The following WNT3 variants were observed in gnomAD, a reference collection of about 807,000 sequenced individuals.
WNT3 encodes the protein proto-oncogene Wnt-3.
In WNT3, 7 loss-of-function variants were observed where a neutral mutation model predicts 34.2. That is an observed-to-expected ratio of 0.20 (90% CI 0.12 to 0.38). The LOEUF (loss-of-function observed/expected upper bound fraction) is 0.38. Ranked by LOEUF, WNT3 falls within the 10% of genes least tolerant of loss-of-function variation. The pLI is 1.00. For missense variants in WNT3, 267 were observed against 499.8 expected (o/e 0.53, Z 4.44); for synonymous variants, 212 against 211.5 (o/e 1.00, Z -0.02).
chr17:46,798,864 A>G (rs896934114), intron 1 of WNT3, among the ~76,000 whole-genome samples: 5 of 152,130 alleles, frequency 3.3e-5, no homozygotes, highest in Admixed American at 6.5e-5. Context: ...CCTGGCTAAC[A>G]TGGGGAAACC....
intron 2 of WNT3, among the ~76,000 whole-genome samples, chr17:46,771,949 C>G (rs953713529): frequency 2.7e-5 from 4 of 148,164 alleles, no homozygotes; most frequent in African/African-American, 9.8e-5. Flanking sequence ...CGCCGCGCCT[C>G]GCCCCTTCCG....
chr17:46,784,639 C>A (rs948852123), intron 1 of WNT3, among the ~76,000 whole-genome samples: 2 of 152,182 alleles, frequency 1.3e-5, no homozygotes, highest in Non-Finnish European at 2.9e-5. Flanking sequence ...GCCCAGCCAA[C>A]ACTGGCAGCA....
At chr17:46,809,607 GC>G (rs1366814861) in intron 1 of WNT3, among the ~76,000 whole-genome samples, 1 of 152,228 alleles carries the variant, frequency 6.6e-6, no homozygotes, top group Non-Finnish European at 1.5e-5. Flanking sequence ...CCTCAGCAGA[GC>G]CCCTTCCAGC....
chr17:46,796,937 G>A (rs990912146), intron 1 of WNT3, among the ~76,000 whole-genome samples: 3 of 152,168 alleles, frequency 2.0e-5, no homozygotes, highest in East Asian at 1.9e-4. Context: ...CTTGGTTACC[G>A]AGGAAAATAA....
intron 1 of WNT3, among the ~76,000 whole-genome samples, chr17:46,800,866 G>A (rs1194445708): frequency 2.6e-5 from 4 of 152,188 alleles, no homozygotes; most frequent in African/African-American, 4.8e-5. Context: ...GGAAGGCTGC[G>A]CAGAGGAAGT....
chr17:46,778,800 G>A lies in WNT3; in HGVS notation c.81-4891C>T, dbSNP rs538737290. Among the ~76,000 whole-genome samples, 188 of 151,982 alleles carry A rather than the reference G, an allele frequency of 1.2e-3. 1 individual carries two copies. Among genetic ancestry groups the A allele is most frequent in the South Asian group, 8.5e-3 (41 of 4,810 alleles). ...GGCTCGAAGCACCTCTCCACTGCCCGGCCCCCGGCAACCATTCTACACCAT... is the reference window on the plus strand; with the variant it reads ...GGCTCGAAGCACCTCTCCACTGCCCAGCCCCCGGCAACCATTCTACACCAT... On this transcript the variant is annotated intron_variant, in intron 1 of 4. Coordinates refer to ENST00000225512, the MANE Select transcript of WNT3 (RefSeq NM_030753.5).
At chr17:46,810,047 C>G (rs1318851295) in intron 1 of WNT3, among the ~76,000 whole-genome samples, 1 of 139,680 alleles carries the variant, frequency 7.2e-6, no homozygotes, top group East Asian at 2.1e-4. Flanking sequence ...GGTCTTGTTG[C>G]CCAGGCTGGA....
intron 2 of WNT3, among the ~76,000 whole-genome samples, chr17:46,771,664 C>T (rs1370069050): frequency 6.9e-6 from 1 of 144,102 alleles, no homozygotes; most frequent in Admixed American, 6.8e-5. Context: ...CCGGGCCGGC[C>T]GCCACCGCGT....
chr17:46,767,774 T>A (rs949265863), intron 4 of WNT3, among the ~76,000 whole-genome samples: 1 of 149,624 alleles, frequency 6.7e-6, no homozygotes, highest in East Asian at 2.0e-4. Context: ...CTGAATTTTG[T>A]TTTTTTTTGT....
chr17:46,770,835 A>G (rs1025615953), intron 2 of WNT3, among the ~76,000 whole-genome samples: 1 of 152,182 alleles, frequency 6.6e-6, no homozygotes, highest in African/African-American at 2.4e-5. Context: ...CATGTGCTTC[A>G]TTCACATGGA....
At chr17:46,799,265 A>G (rs1375728117) in intron 1 of WNT3, among the ~76,000 whole-genome samples, 1 of 152,076 alleles carries the variant, frequency 6.6e-6, no homozygotes, top group Non-Finnish European at 1.5e-5. Context: ...TGGTTGGGAC[A>G]AACCAACATA....
Position 46,768,426 on chromosome 17 carries a change from G to C in WNT3, c.962C>G (p.Thr321Arg). 6.2e-7 allele frequency: 1 copy of C among 1,613,856 alleles called. No homozygotes were observed. The highest frequency in any genetic ancestry group is 8.5e-7 in the Non-Finnish European group (1 of 1,179,880). The change falls in exon 4 of 5, where the codon ACG (threonine) becomes AGG (arginine). Residue 321 changes from threonine (T) to arginine (R), a missense_variant. Physicochemically the swap from Thr to Arg is moderately conservative, Grantham distance 71 (BLOSUM62 -1). Around this residue, in one of 3 missense-constraint regions of WNT3, gnomAD observed 60 missense variants for 82.7 expected, o/e 0.73. Coordinates refer to ENST00000225512, the MANE Select transcript of WNT3 (RefSeq NM_030753.5). This position sits in a 1 kb window ranked among gnomAD's most constrained non-coding sequence, Gnocchi z 5.0. The stretch of plus-strand genomic sequence containing the variant: ...TTTTTCCTTCCGCTTCTCCGTCCTC[G>C]TGTTGTGGCCCCGGCCACAGCAGAG... ...DLLCCGRGHN[T>R]RTEKRKEKCH...
chr17:46,793,889 A>G (rs1490419272), intron 1 of WNT3, among the ~76,000 whole-genome samples: 4 of 152,128 alleles, frequency 2.6e-5, no homozygotes, highest in African/African-American at 9.7e-5. Context: ...TTGGACCCCA[A>G]ATCCCATGCT....
Position 46,768,265 on chromosome 17 carries a change from C to G in WNT3, c.*8+47G>C, listed in dbSNP as rs1319140392. Reference sequence around the variant, plus strand: ...GACGAGATGGGCAAACAACCCCATTCCCTGCGCCCAGGCTCCCAGCCTCCC... The same window carrying G: ...GACGAGATGGGCAAACAACCCCATTGCCTGCGCCCAGGCTCCCAGCCTCCC... On this transcript the variant is annotated intron_variant, in intron 4 of 4. Coordinates refer to ENST00000225512, the MANE Select transcript of WNT3 (RefSeq NM_030753.5). This position sits in a 1 kb window ranked among gnomAD's most constrained non-coding sequence, Gnocchi z 5.0. 6.2e-7 allele frequency: 1 copy of G among 1,610,374 alleles called. No individual in the cohort carries two copies. The highest frequency in any genetic ancestry group is 8.5e-7 in the Non-Finnish European group (1 of 1,179,812).
chr17:46,797,087 C>T (rs1563304), intron 1 of WNT3, among the ~76,000 whole-genome samples: 17,429 of 152,214 alleles, frequency 0.11, 1,300 homozygotes, highest in Non-Finnish European at 0.17. Context: ...GTCACACTGG[C>T]AGGACCTCTC....
chr17:46,779,822 G>C (rs1441706459), intron 1 of WNT3, among the ~76,000 whole-genome samples: 1 of 152,088 alleles, frequency 6.6e-6, no homozygotes, highest in East Asian at 1.9e-4. Flanking sequence ...TACAAAGCGT[G>C]ATCTTGGCTC....
chr17:46,796,534 G>A (rs2084056364), intron 1 of WNT3, among the ~76,000 whole-genome samples: 1 of 152,198 alleles, frequency 6.6e-6, no homozygotes, highest in South Asian at 2.1e-4. Flanking sequence ...CTCTCAGAAG[G>A]AGTTGGATGA....
intron 1 of WNT3, among the ~76,000 whole-genome samples, chr17:46,779,757 G>A (rs551907559): frequency 5.2e-4 from 29 of 56,280 alleles, no homozygotes; most frequent in Middle Eastern, 7.9e-3. Context: ...AGGCAGAGAG[G>A]ACCTTTTTTT....
intron 4 of WNT3, among the ~76,000 whole-genome samples, chr17:46,765,642 C>A (rs993858267): frequency 2.0e-5 from 3 of 152,372 alleles, no homozygotes; most frequent in Non-Finnish European, 4.4e-5. Context: ...CGCAGGCTCC[C>A]GTCTTGCCTA....
Sources: gnomAD v4.1 joint callset for allele counts (sites outside exome capture counted in the v4.1 genomes callset) on GRCh38, gnomAD v4.1.1 for gene constraint, gnomAD v4.1.1 regional missense constraint, Gnocchi (gnomAD v3.1) non-coding constraint, MANE v1.5 for transcripts, NCBI Gene and HGNC (gene_info 2026-07-23, HGNC 2026-07-21) for gene names.